The following GRID1 variants were observed in gnomAD, a reference collection of about 807,000 sequenced individuals.
The protein encoded by GRID1 is glutamate ionotropic receptor delta type subunit 1, also known as glutamate receptor ionotropic, delta-1.
In GRID1, 28 loss-of-function variants were observed where a neutral mutation model predicts 98.0. The ratio of observed to expected loss-of-function variants is 0.29; its 90% CI spans 0.21 to 0.39. The LOEUF is 0.39. GRID1 is among the 10% of genes least tolerant of loss of function. GRID1 has a pLI of 1.00. For missense variants in GRID1, 1,111 were observed against 1,340.5 expected (o/e 0.83, Z 2.67); for synonymous variants, 553 against 538.5 (o/e 1.03, Z -0.37).
chr10:86,037,109 G>T (rs1843275980), intron 4 of GRID1, among the ~76,000 whole-genome samples: 1 of 152,178 alleles, frequency 6.6e-6, no homozygotes, highest in Non-Finnish European at 1.5e-5. Flanking sequence ...TTCTGGAACG[G>T]AAAATGGGGC....
chr10:85,739,014 T>C (rs577855604), intron 8 of GRID1, among the ~76,000 whole-genome samples: 3 of 152,192 alleles, frequency 2.0e-5, no homozygotes, highest in South Asian at 2.1e-4. Flanking sequence ...ATAAACCATA[T>C]GGTTTATTTA....
At chr10:86,088,818 C>G (rs147453816) in intron 4 of GRID1, among the ~76,000 whole-genome samples, 13 of 152,142 alleles carry the variant, frequency 8.5e-5, no homozygotes, top group Non-Finnish European at 1.8e-4. Flanking sequence ...ATGTTGAGGT[C>G]TGGAGTTTTC....
At position 86,138,678 on chromosome 10, in the gene GRID1, A is replaced by G. The variant is rs1311066199; in HGVS notation, c.726+141T>C. 6 of 636,692 alleles carry G rather than the reference A, an allele frequency of 9.4e-6. No individual in the cohort carries two copies. In the Admixed American group the frequency reaches 1.7e-4, roughly 18 times the overall value. 39.4% of individuals were successfully genotyped at this position (636,692 alleles called of 1,614,324 possible). On this transcript the variant is annotated intron_variant, in intron 4 of 15. Coordinates refer to ENST00000327946, the MANE Select transcript of GRID1 (RefSeq NM_017551.3). ...TCAGAGAATCCCCCCTTACAGGCTG[A>G]GTGCTGTGGGCCGAGCACCTACGGG...
At chr10:86,085,652 T>A (rs1016191772) in intron 4 of GRID1, among the ~76,000 whole-genome samples, 3 of 152,076 alleles carry the variant, frequency 2.0e-5, no homozygotes, top group African/African-American at 7.2e-5. Context: ...TCTCCTTTAT[T>A]TCCTGGTCAC....
At chr10:85,862,708 G>A (rs1843175299) in intron 6 of GRID1, among the ~76,000 whole-genome samples, 1 of 152,236 alleles carries the variant, frequency 6.6e-6, no homozygotes, top group Non-Finnish European at 1.5e-5. Context: ...GAAGTTGACT[G>A]AGGACCAGGG....
At chr10:86,114,703 A>G (rs946938994) in intron 4 of GRID1, among the ~76,000 whole-genome samples, 2 of 152,144 alleles carry the variant, frequency 1.3e-5, no homozygotes, top group African/African-American at 4.8e-5. Context: ...CTCCTAGATC[A>G]AGCCCTAACT....
intron 4 of GRID1, among the ~76,000 whole-genome samples, chr10:86,100,037 G>A (rs1299078325): frequency 6.6e-6 from 1 of 152,180 alleles, no homozygotes; most frequent in Non-Finnish European, 1.5e-5. Context: ...GGAAGGTGTG[G>A]GGGCAGCATA....
intron 5 of GRID1, among the ~76,000 whole-genome samples, chr10:85,890,024 TC>T (rs1260956942): frequency 6.6e-6 from 1 of 152,134 alleles, no homozygotes; most frequent in East Asian, 1.9e-4. Context: ...TCAAAGTTTA[TC>T]ATTTATTTGT....
At chr10:85,809,290 G>T (rs1184815569) in intron 8 of GRID1, among the ~76,000 whole-genome samples, 2 of 152,108 alleles carry the variant, frequency 1.3e-5, no homozygotes, top group South Asian at 2.1e-4. Context: ...CTCAAAAGAA[G>T]AGAAAGTATC....
At chr10:85,626,719 A>G (rs1842917415) in intron 13 of GRID1, among the ~76,000 whole-genome samples, 1 of 152,198 alleles carries the variant, frequency 6.6e-6, no homozygotes. Context: ...GCAACACATT[A>G]CCACATGCAG....
intron 5 of GRID1, among the ~76,000 whole-genome samples, chr10:85,900,541 CT>C (rs1208183936): frequency 6.6e-6 from 1 of 152,342 alleles, no homozygotes; most frequent in East Asian, 1.9e-4. Context: ...TGTCAAAACT[CT>C]GCAAAACGGC....
At chr10:86,113,013 G>A in intron 4 of GRID1, among the ~76,000 whole-genome samples, 1 of 152,298 alleles carries the variant, frequency 6.6e-6, no homozygotes, top group East Asian at 1.9e-4. Flanking sequence ...CCCAGCCTTT[G>A]CCAGAGACTA....
intron 14 of GRID1, among the ~76,000 whole-genome samples, chr10:85,615,344 C>T (rs1247348236): frequency 6.6e-6 from 1 of 152,214 alleles, no homozygotes; most frequent in African/African-American, 2.4e-5. Context: ...ATCTTTGCAA[C>T]ATAAACTGTT....
At chr10:86,344,264 A>G (rs947985992) in intron 2 of GRID1, among the ~76,000 whole-genome samples, 4 of 152,180 alleles carry the variant, frequency 2.6e-5, no homozygotes, top group Non-Finnish European at 4.4e-5. Flanking sequence ...CTCTCAAAAC[A>G]ATTCTTCAAG....
intron 4 of GRID1, among the ~76,000 whole-genome samples, chr10:85,987,715 C>T (rs1166160809): frequency 6.6e-6 from 1 of 151,500 alleles, no homozygotes; most frequent in Non-Finnish European, 1.5e-5. Flanking sequence ...ATCCAGGATG[C>T]TCCTCCCATG....
intron 6 of GRID1, among the ~76,000 whole-genome samples, chr10:85,861,003 G>T (rs989141984): frequency 4.6e-5 from 7 of 152,216 alleles, no homozygotes; most frequent in African/African-American, 1.7e-4. Context: ...TCTTTAGAGG[G>T]AGCAGAGACA....
intron 2 of GRID1, among the ~76,000 whole-genome samples, chr10:86,351,881 A>AT (rs889942994): frequency 2.6e-5 from 4 of 152,156 alleles, no homozygotes; most frequent in African/African-American, 9.7e-5. Flanking sequence ...TCATTACTTC[A>AT]TTTGTTCCCG....
chr10:85,660,060 G>A (rs1020036517), intron 12 of GRID1, among the ~76,000 whole-genome samples: 9 of 152,130 alleles, frequency 5.9e-5, no homozygotes, highest in South Asian at 2.1e-4. Flanking sequence ...ACACCATTTC[G>A]CTTGTGGCAC....
At chr10:85,888,628 G>A (rs949657527) in intron 5 of GRID1, among the ~76,000 whole-genome samples, 4 of 152,198 alleles carry the variant, frequency 2.6e-5, no homozygotes, top group Non-Finnish European at 4.4e-5. Context: ...TGGCTGGTTG[G>A]TTATTTATAG....
Sources: gnomAD v4.1 joint callset for allele counts (sites outside exome capture counted in the v4.1 genomes callset) on GRCh38, gnomAD v4.1.1 for gene constraint, MANE v1.5 for transcripts, NCBI Gene and HGNC (gene_info 2026-07-23, HGNC 2026-07-21) for gene names.